Variants in SUSD4 observed in about 807,000 individuals in gnomAD.
SUSD4 encodes the protein sushi domain containing 4, also known as sushi domain-containing protein 4.
In SUSD4, 41 loss-of-function variants were observed where a neutral mutation model predicts 50.5. That is an observed-to-expected ratio of 0.81 (90% confidence interval 0.63 to 1.05). The LOEUF is 1.05. Among genes scored for constraint, SUSD4 ranks in the 50% least tolerant of loss-of-function variants. The probability of loss-of-function intolerance (pLI) is 0.00; values close to 1 mark genes in which losing one functional copy is unlikely to be tolerated. For missense variants in SUSD4, 580 were observed against 634.7 expected (o/e 0.91, Z 0.93); for synonymous variants, 257 against 257.3 (o/e 1.00, Z 0.01).
chr1:223,264,405 T>G, intron 5 of SUSD4: 1 of 1,249,564 alleles, frequency 8.0e-7, no homozygotes, highest in Non-Finnish European at 1.0e-6. Context: ...ACTTTTTCTT[T>G]TATCTGCTCT....
At chr1:223,364,716 G>A (rs1372589173), upstream of SUSD4, among the ~76,000 whole-genome samples, 3 of 151,704 alleles carry the variant, frequency 2.0e-5, no homozygotes, top group Non-Finnish European at 4.4e-5. This position sits in a 1 kb window ranked among gnomAD's most constrained non-coding sequence, Gnocchi z 4.5. Flanking sequence ...AACTACCGCC[G>A]CGGCGGTGGC....
intron 4 of SUSD4, among the ~76,000 whole-genome samples, chr1:223,266,755 G>C (rs1048799562): frequency 1.3e-5 from 2 of 152,222 alleles, no homozygotes; most frequent in Admixed American, 6.5e-5. Flanking sequence ...ATACAACTTA[G>C]AGAATGAAAT....
chr1:223,327,326 G>C (rs1666932711), intron 2 of SUSD4, among the ~76,000 whole-genome samples: 1 of 152,186 alleles, frequency 6.6e-6, no homozygotes, highest in Non-Finnish European at 1.5e-5. Context: ...TGGAGACTCA[G>C]AAGTGGGAGG....
chr1:223,254,439 T>C (rs1661547810), intron 5 of SUSD4, among the ~76,000 whole-genome samples: 1 of 152,132 alleles, frequency 6.6e-6, no homozygotes, highest in Non-Finnish European at 1.5e-5. Context: ...ATGGTTGTGT[T>C]TCCACCAAGG....
chr1:223,338,924 G>C (rs1667602526), intron 2 of SUSD4, among the ~76,000 whole-genome samples: 1 of 152,202 alleles, frequency 6.6e-6, no homozygotes, highest in Non-Finnish European at 1.5e-5. Flanking sequence ...CTGAGCAGGA[G>C]AAATACATCC....
intron 2 of SUSD4, among the ~76,000 whole-genome samples, chr1:223,316,936 G>C (rs1666225830): frequency 6.6e-6 from 1 of 152,178 alleles, no homozygotes; most frequent in Admixed American, 6.5e-5. Context: ...CCTTGGAGAT[G>C]ACGATGAGTC....
chr1:223,294,639 C>T (rs765814101), intron 2 of SUSD4, among the ~76,000 whole-genome samples: 4 of 152,138 alleles, frequency 2.6e-5, no homozygotes, highest in African/African-American at 7.2e-5. Context: ...AAAAGCCATT[C>T]GAAGGCAGGA....
chr1:223,274,619 T>C (rs1344510279), intron 3 of SUSD4, among the ~76,000 whole-genome samples: 2 of 152,226 alleles, frequency 1.3e-5, no homozygotes, highest in Non-Finnish European at 2.9e-5. Context: ...GGTGCATAGA[T>C]TGGAATATTT....
chr1:223,286,095 C>G (rs1188360895), intron 3 of SUSD4, among the ~76,000 whole-genome samples: 2 of 152,156 alleles, frequency 1.3e-5, no homozygotes, highest in South Asian at 2.1e-4. Flanking sequence ...CAGGTGTACA[C>G]CACCATGCCT....
At chr1:223,307,675 TAGAA>T (rs1441456393) in intron 2 of SUSD4, among the ~76,000 whole-genome samples, 3 of 152,088 alleles carry the variant, frequency 2.0e-5, no homozygotes, top group East Asian at 1.9e-4. Flanking sequence ...CTATGGGAAA[TAGAA>T]AGCGCTGGCT....
chr1:223,343,635 C>T (rs1667877911), intron 2 of SUSD4, among the ~76,000 whole-genome samples: 1 of 152,074 alleles, frequency 6.6e-6, no homozygotes, highest in South Asian at 2.1e-4. Context: ...AGAAAAGAGA[C>T]ACACATCACT....
intron 2 of SUSD4, among the ~76,000 whole-genome samples, chr1:223,320,219 CCTCT>C (rs1230028170): frequency 6.6e-6 from 1 of 152,166 alleles, no homozygotes; most frequent in Non-Finnish European, 1.5e-5. Context: ...ACTTTTACCT[CCTCT>C]CTCTCTGTCC....
intron 2 of SUSD4, among the ~76,000 whole-genome samples, chr1:223,355,234 CAGCTA>C (rs1668595389): frequency 6.6e-6 from 1 of 152,092 alleles, no homozygotes; most frequent in Non-Finnish European, 1.5e-5. Context: ...CCACCATGCC[CAGCTA>C]ATTTTTGTAT....
At chr1:223,252,824 G>A (rs371421817) in intron 5 of SUSD4, among the ~76,000 whole-genome samples, 57 of 152,088 alleles carry the variant, frequency 3.7e-4, no homozygotes, top group South Asian at 1.2e-3. Flanking sequence ...ATTAGGGGCC[G>A]GGCGCAGAGG....
chr1:223,365,083 G>A (rs181671692), upstream of SUSD4, among the ~76,000 whole-genome samples: 170 of 152,246 alleles, frequency 1.1e-3, no homozygotes, highest in African/African-American at 3.8e-3. Flanking sequence ...TTGGTGACAC[G>A]CAGAAGGTTG....
chr1:223,292,600 A>T lies in SUSD4; in HGVS notation c.200T>A (p.Phe67Tyr). ...CADPGIPENG[F>Y]RTPSGGVFFE... ...GAAAACCCCTCCGCTGGGGGTCCTG[A>T]AGCCATTCTCGGGAATGCCGGGGTC... Residue 67 changes from phenylalanine (F) to tyrosine (Y), a missense_variant, in exon 3 of 9, where the codon TTC (phenylalanine) becomes TAC (tyrosine). Phe to Tyr is a conservative substitution (Grantham distance 22). Transcript: ENST00000366878. The T allele has an allele frequency of 6.2e-7, 1 of 1,614,078 alleles. No homozygotes were observed. Among genetic ancestry groups the T allele is most frequent in the East Asian group, 2.2e-5 (1 of 44,890 alleles).
At chr1:223,244,628 T>C (rs1324347938) in intron 5 of SUSD4, among the ~76,000 whole-genome samples, 5 of 152,020 alleles carry the variant, frequency 3.3e-5, no homozygotes, top group Admixed American at 6.6e-5. Flanking sequence ...ACAGATTGGA[T>C]TCTACCACTG....
At chr1:223,306,367 GC>G (rs1193989879) in intron 2 of SUSD4, among the ~76,000 whole-genome samples, 2 of 152,186 alleles carry the variant, frequency 1.3e-5, no homozygotes, top group African/African-American at 4.8e-5. Context: ...AATCAAGCAA[GC>G]ACAGAAAACC....
intron 3 of SUSD4, among the ~76,000 whole-genome samples, chr1:223,277,669 C>A (rs974442313): frequency 6.6e-6 from 1 of 152,158 alleles, no homozygotes; most frequent in Non-Finnish European, 1.5e-5. Context: ...CTGGGTTGCA[C>A]ACCACCAGGA....
Sources: allele counts gnomAD v4.1 joint callset (sites outside exome capture counted in the v4.1 genomes callset), GRCh38; gene constraint gnomAD v4.1.1; non-coding constraint Gnocchi (gnomAD v3.1); transcripts MANE v1.5; gene names NCBI Gene and HGNC (gene_info 2026-07-23, HGNC 2026-07-21).